GRIP1: variants seen among roughly 807,000 people sequenced by gnomAD.
GRIP1 encodes the protein glutamate receptor interacting protein 1, also known as glutamate receptor-interacting protein 1.
In GRIP1, 45 loss-of-function variants were observed where a neutral mutation model predicts 129.9. The observed-to-expected ratio is 0.35, with a 90% CI of 0.27 to 0.44. The LOEUF (loss-of-function observed/expected upper bound fraction) is 0.44. GRIP1 is among the 20% of genes least tolerant of loss of function. The pLI, the probability that GRIP1 is intolerant of heterozygous loss-of-function variation, is 1.00. For missense variants in GRIP1, 1,196 were observed against 1,396.8 expected (o/e 0.86, Z 2.29); for synonymous variants, 530 against 520.8 (o/e 1.02, Z -0.24).
chr12:66,502,223 A>G (rs12298702), intron 7 of GRIP1, among the ~76,000 whole-genome samples: 1,986 of 152,204 alleles, frequency 0.013, 41 homozygotes, highest in African/African-American at 0.045. Flanking sequence ...TAGTGGCCCA[A>G]AGATTTTTAA....
At chr12:66,569,095 T>G (rs575499343) in intron 2 of GRIP1, 1 of 227,538 alleles carries the variant, frequency 4.4e-6, no homozygotes, top group East Asian at 1.5e-4. Context: ...TGCTTCTCTT[T>G]GAGAGTTTCA....
rs552041604 is a variant in GRIP1, at chr12:66,357,916, T to C, written c.3013-4353A>G. On this transcript the variant is annotated intron_variant, in intron 23 of 24. Coordinates refer to ENST00000359742, the MANE Select transcript of GRIP1 (RefSeq NM_001366722.1). ...TGCATTTTTTGTTTGTGTTTTGAGATTGAGTCTCACTCTGTGGGCCAGGCT... is the reference window on the plus strand; with the variant it reads ...TGCATTTTTTGTTTGTGTTTTGAGACTGAGTCTCACTCTGTGGGCCAGGCT... Among the ~76,000 whole-genome samples the C allele has an allele frequency of 2.0e-5, 3 of 152,304 alleles. No homozygotes were observed. The South Asian group carries it at 6.2e-4, about 32-fold the overall frequency.
At chr12:67,028,818 A>C (rs1356998801) in intron 1 of GRIP1, among the ~76,000 whole-genome samples, 1 of 152,174 alleles carries the variant, frequency 6.6e-6, no homozygotes, top group Non-Finnish European at 1.5e-5. Flanking sequence ...TTTACAAATC[A>C]ATTTTTAAAT....
At chr12:66,531,167 C>T (rs4405397) in intron 4 of GRIP1, among the ~76,000 whole-genome samples, 19,168 of 146,844 alleles carry the variant, frequency 0.13, 1,435 homozygotes, top group East Asian at 0.24. Context: ...CCCGCGGGGG[C>T]GGAGGTTGCA....
intron 1 of GRIP1, among the ~76,000 whole-genome samples, chr12:66,915,959 T>C (rs2041114020): frequency 6.6e-6 from 1 of 152,218 alleles, no homozygotes; most frequent in Non-Finnish European, 1.5e-5. Flanking sequence ...AAACTCATCA[T>C]GCCAGAAGGC....
intron 19 of GRIP1, among the ~76,000 whole-genome samples, chr12:66,388,245 A>C (rs566491077): frequency 2.9e-4 from 44 of 152,150 alleles, no homozygotes; most frequent in South Asian, 2.3e-3. Context: ...ATAATTATAG[A>C]AACTGAGAAA....
At chr12:66,403,625 A>G (rs997512859) in intron 16 of GRIP1, among the ~76,000 whole-genome samples, 1 of 152,212 alleles carries the variant, frequency 6.6e-6, no homozygotes, top group Non-Finnish European at 1.5e-5. Flanking sequence ...CATATCTCTC[A>G]TGCCAATATT....
chr12:66,446,522 C>T (rs985301499), intron 11 of GRIP1, among the ~76,000 whole-genome samples: 1 of 152,184 alleles, frequency 6.6e-6, no homozygotes, highest in Admixed American at 6.5e-5. Context: ...ATACTCCTTG[C>T]TCTCCACATA....
intron 24 of GRIP1, among the ~76,000 whole-genome samples, chr12:66,351,555 G>GTTTT (rs1565655525): frequency 4.2e-5 from 6 of 143,520 alleles, no homozygotes; most frequent in African/African-American, 1.1e-4. Context: ...ACAGGAAGGT[G>GTTTT]GTTTTTTTTT....
chr12:66,398,867 T>A (rs1305399578), intron 16 of GRIP1, among the ~76,000 whole-genome samples: 1 of 151,996 alleles, frequency 6.6e-6, no homozygotes, highest in Non-Finnish European at 1.5e-5. Flanking sequence ...TTTCACTCTA[T>A]GTTTTAAGGA....
intron 23 of GRIP1, among the ~76,000 whole-genome samples, chr12:66,354,747 T>G (rs1208829922): frequency 6.6e-6 from 1 of 152,322 alleles, no homozygotes; most frequent in Non-Finnish European, 1.5e-5. Flanking sequence ...TTAAAACTCT[T>G]ATAGCAAGTA....
At chr12:66,596,994 C>T (rs141968870) in intron 1 of GRIP1, 67 bp from the exon 2 acceptor site, 218 of 1,047,990 alleles carry the variant, frequency 2.1e-4, no homozygotes, top group African/African-American at 1.2e-3. Flanking sequence ...AGATTTTTAA[C>T]GGATTGCAAT....
chr12:66,613,868 C>T (rs1443883890), intron 1 of GRIP1, among the ~76,000 whole-genome samples: 1 of 152,194 alleles, frequency 6.6e-6, no homozygotes, highest in African/African-American at 2.4e-5. Context: ...ACTTAAAACA[C>T]AGTATTAGGT....
intron 1 of GRIP1, among the ~76,000 whole-genome samples, chr12:67,038,777 A>T (rs556461079): frequency 5.3e-5 from 8 of 152,270 alleles, no homozygotes; most frequent in African/African-American, 1.7e-4. Flanking sequence ...TCAAAAGGGA[A>T]TTTTTCCCCT....
intron 1 of GRIP1, among the ~76,000 whole-genome samples, chr12:66,854,327 G>GCACAGGA (rs58715529): frequency 1.3e-3 from 8 of 5,972 alleles, no homozygotes; most frequent in Non-Finnish European, 3.9e-3. Flanking sequence ...TGATTACAAA[G>GCACAGGA]ATGAGAATGG....
At chr12:66,662,993 A>C (rs1296971833) in intron 1 of GRIP1, among the ~76,000 whole-genome samples, 1 of 152,222 alleles carries the variant, frequency 6.6e-6, no homozygotes, top group African/African-American at 2.4e-5. Context: ...TACTGCTGTC[A>C]GAATCAGTTT....
At chr12:66,656,355 A>G (rs1418845040) in intron 1 of GRIP1, among the ~76,000 whole-genome samples, 1 of 152,228 alleles carries the variant, frequency 6.6e-6, no homozygotes, top group Non-Finnish European at 1.5e-5. Context: ...TTTTAAAAAA[A>G]AACAGATCCT....
At chr12:66,598,220 A>G (rs1216406485) in intron 1 of GRIP1, among the ~76,000 whole-genome samples, 1 of 152,162 alleles carries the variant, frequency 6.6e-6, no homozygotes, top group African/African-American at 2.4e-5. Flanking sequence ...TCTAGGATGA[A>G]CTTCTGGTTT....
At chr12:66,491,794 A>C (rs1432282360) in intron 7 of GRIP1, among the ~76,000 whole-genome samples, 1 of 152,256 alleles carries the variant, frequency 6.6e-6, no homozygotes, top group African/African-American at 2.4e-5. Context: ...AGATGAAAAT[A>C]CTTGCCACCA....
Sources: gnomAD v4.1 joint callset for allele counts (sites outside exome capture counted in the v4.1 genomes callset) on GRCh38, gnomAD v4.1.1 for gene constraint, MANE v1.5 for transcripts, NCBI Gene and HGNC (gene_info 2026-07-23, HGNC 2026-07-21) for gene names.